Variants in TMCC1 observed in about 807,000 individuals in gnomAD.
TMCC1 encodes transmembrane and coiled-coil domain family 1, also known as transmembrane and coiled-coil domains protein 1.
A neutral mutation model predicts 52.4 loss-of-function variants in TMCC1; 15 were observed. That is an observed-to-expected ratio of 0.29 (90% CI 0.19 to 0.44). The LOEUF (loss-of-function observed/expected upper bound fraction) is 0.44, where lower values mean the gene tolerates loss of function less well. Among genes scored for constraint, TMCC1 ranks in the 20% least tolerant of loss-of-function variants. The pLI is 1.00. For synonymous variants in TMCC1, 279 were observed against 301.9 expected (o/e 0.92, Z 0.79); for missense variants, 503 against 806.0 (o/e 0.62, Z 4.55).
At chr3:129,661,370 G>A (rs1304697728) in intron 5 of TMCC1, among the ~76,000 whole-genome samples, 1 of 151,976 alleles carries the variant, frequency 6.6e-6, no homozygotes, top group Non-Finnish European at 1.5e-5. Context: ...AGGCTGCAGT[G>A]AGCCGAGACT....
intron 2 of TMCC1, among the ~76,000 whole-genome samples, chr3:129,833,706 G>A (rs79789168): frequency 0.016 from 2,361 of 152,166 alleles, 48 homozygotes; most frequent in African/African-American, 0.055. Flanking sequence ...ACCAGCTTGG[G>A]CAACACAGCA....
intron 4 of TMCC1, among the ~76,000 whole-genome samples, chr3:129,707,474 GT>G (rs1342554595): frequency 6.6e-6 from 1 of 152,034 alleles, no homozygotes; most frequent in African/African-American, 2.4e-5. Flanking sequence ...GAAGACCTCT[GT>G]TTTCAAGCCA....
intron 4 of TMCC1, among the ~76,000 whole-genome samples, chr3:129,727,375 T>C (rs2107607645): frequency 6.6e-6 from 1 of 152,282 alleles, no homozygotes; most frequent in East Asian, 1.9e-4. Context: ...GGAACCTTAC[T>C]GAGGATCAAT....
intron 4 of TMCC1, among the ~76,000 whole-genome samples, chr3:129,814,933 T>C (rs1013763363): frequency 2.6e-5 from 4 of 152,078 alleles, no homozygotes; most frequent in Non-Finnish European, 4.4e-5. Flanking sequence ...AAGGGAGAGA[T>C]AGACTGATAG....
At chr3:129,866,377 T>TATATA (rs1560579131) in intron 2 of TMCC1, among the ~76,000 whole-genome samples, 1 of 142,708 alleles carries the variant, frequency 7.0e-6, no homozygotes, top group African/African-American at 2.6e-5. Context: ...TATATATATA[T>TATATA]GTTTTTTTTT....
At chr3:129,738,335 C>T (rs2051163215) in intron 4 of TMCC1, among the ~76,000 whole-genome samples, 2 of 150,876 alleles carry the variant, frequency 1.3e-5, no homozygotes, top group Non-Finnish European at 3.0e-5. Context: ...TCACTTTTGG[C>T]TTTTCAGTTC....
intron 2 of TMCC1, among the ~76,000 whole-genome samples, chr3:129,834,692 C>T (rs192830489): frequency 9.9e-4 from 151 of 152,112 alleles, no homozygotes; most frequent in African/African-American, 3.4e-3. Flanking sequence ...GAGCTGAGCC[C>T]ATTAGTATGG....
chr3:129,741,762 C>T (rs533696100), intron 4 of TMCC1, among the ~76,000 whole-genome samples: 2 of 152,078 alleles, frequency 1.3e-5, no homozygotes, highest in Non-Finnish European at 2.9e-5. Flanking sequence ...GAAGATTCCA[C>T]AACTTATTAA....
chr3:129,694,861 C>G (rs1001534550), intron 4 of TMCC1, among the ~76,000 whole-genome samples: 1 of 152,046 alleles, frequency 6.6e-6, no homozygotes, highest in Non-Finnish European at 1.5e-5. Flanking sequence ...TTTTACTTTA[C>G]TCTATGGACT....
intron 2 of TMCC1, among the ~76,000 whole-genome samples, chr3:129,833,774 T>C (rs1298444306): frequency 6.6e-6 from 1 of 152,202 alleles, no homozygotes; most frequent in Non-Finnish European, 1.5e-5. Context: ...ATTTTTTGGC[T>C]AATCTTCAGT....
At chr3:129,691,535 T>C (rs1434709582) in intron 4 of TMCC1, among the ~76,000 whole-genome samples, 1 of 151,888 alleles carries the variant, frequency 6.6e-6, no homozygotes, top group East Asian at 1.9e-4. Flanking sequence ...AATCCCAACA[T>C]TTTGGGAGGC....
chr3:129,771,095 GT>G (rs2054543454), intron 4 of TMCC1, among the ~76,000 whole-genome samples: 1 of 152,110 alleles, frequency 6.6e-6, no homozygotes, highest in Non-Finnish European at 1.5e-5. Flanking sequence ...ATTTCTAATG[GT>G]CCCCAGCTAG....
chr3:129,662,674 A>T (rs1197093952), intron 5 of TMCC1, among the ~76,000 whole-genome samples: 2 of 152,186 alleles, frequency 1.3e-5, no homozygotes, highest in African/African-American at 4.8e-5. Flanking sequence ...TTATAAACTT[A>T]TGAAACAACT....
At chr3:129,683,347 C>T (rs543597458) in intron 4 of TMCC1, among the ~76,000 whole-genome samples, 1 of 152,288 alleles carries the variant, frequency 6.6e-6, no homozygotes, top group Non-Finnish European at 1.5e-5. Context: ...AGTAGCTGGG[C>T]ATGTTTGGCA....
At chr3:129,702,918 A>T (rs1408255043) in intron 4 of TMCC1, among the ~76,000 whole-genome samples, 2 of 152,190 alleles carry the variant, frequency 1.3e-5, no homozygotes, top group Non-Finnish European at 2.9e-5. Context: ...TGGAAGGCTG[A>T]GGCAGGAGAA....
intron 4 of TMCC1, among the ~76,000 whole-genome samples, chr3:129,683,133 C>T (rs1242241170): frequency 6.6e-6 from 1 of 152,194 alleles, no homozygotes; most frequent in Admixed American, 6.5e-5. Flanking sequence ...CTACGCCCGG[C>T]CCTTGCCAAA....
chr3:129,891,169 C>T (rs894615229), intron 1 of TMCC1, among the ~76,000 whole-genome samples: 1 of 152,180 alleles, frequency 6.6e-6, no homozygotes, highest in Non-Finnish European at 1.5e-5. Context: ...GAGGCCTCCT[C>T]TCACTAAGTA....
intron 3 of TMCC1, among the ~76,000 whole-genome samples, chr3:129,830,860 A>G (rs1455675588): frequency 6.6e-6 from 1 of 152,240 alleles, no homozygotes; most frequent in Non-Finnish European, 1.5e-5. Context: ...CCTATTTAAA[A>G]AATAGAGAAT....
chr3:129,835,535 G>A (rs2059121572), intron 2 of TMCC1, among the ~76,000 whole-genome samples: 1 of 152,052 alleles, frequency 6.6e-6, no homozygotes, highest in Non-Finnish European at 1.5e-5. Flanking sequence ...TTTCTATAAA[G>A]AACAAAAATA....
Sources: allele counts gnomAD v4.1 joint callset (sites outside exome capture counted in the v4.1 genomes callset), GRCh38; gene constraint gnomAD v4.1.1; transcripts MANE v1.5; gene names NCBI Gene and HGNC (gene_info 2026-07-23, HGNC 2026-07-21).